The following SNRPN variants were observed in gnomAD, a reference collection of about 807,000 sequenced individuals.
SNRPN encodes small nuclear ribonucleoprotein-associated protein N.
A neutral mutation model predicts 25.2 loss-of-function variants in SNRPN; 7 were observed. The observed-to-expected ratio is 0.28, with a 90% confidence interval of 0.16 to 0.52. SNRPN has a LOEUF of 0.52. SNRPN is among the 20% of genes least tolerant of loss of function. The probability of loss-of-function intolerance (pLI) is 0.96; values close to 1 mark genes in which losing one functional copy is unlikely to be tolerated. For synonymous variants in SNRPN, 124 were observed against 110.6 expected (o/e 1.12, Z -0.76); for missense variants, 196 against 322.5 (o/e 0.61, Z 3.00).
intron 2 of SNRPN, among the ~76,000 whole-genome samples, chr15:24,898,366 G>A (rs1439825629): frequency 6.6e-6 from 1 of 152,140 alleles, no homozygotes; most frequent in Admixed American, 6.5e-5. Context: ...GAGGCAGGCG[G>A]ATCACGAGGT....
chr15:24,910,604 C>T (rs2059151083), intron 2 of SNRPN, among the ~76,000 whole-genome samples: 1 of 152,054 alleles, frequency 6.6e-6, no homozygotes, highest in South Asian at 2.1e-4. Flanking sequence ...AAGTGATTCT[C>T]CTGACTCAGC....
chr15:24,867,076 C>A (rs34274806), intron 1 of SNRPN, among the ~76,000 whole-genome samples: 37,268 of 152,072 alleles, frequency 0.25, 5,584 homozygotes, highest in African/African-American at 0.42. Flanking sequence ...GGTTTGAACA[C>A]TGCTAAAATA....
intron 1 of SNRPN, among the ~76,000 whole-genome samples, chr15:24,871,796 C>T (rs1392468863): frequency 1.4e-5 from 2 of 143,518 alleles, no homozygotes; most frequent in South Asian, 2.3e-4. Flanking sequence ...GCTCCGCCTC[C>T]CCGGTTCACA....
chr15:24,922,705 ATGT>A (rs1360591545), intron 3 of SNRPN, among the ~76,000 whole-genome samples: 1 of 151,704 alleles, frequency 6.6e-6, no homozygotes, highest in African/African-American at 2.4e-5. Context: ...GTATTTATCC[ATGT>A]TGTGTGTAAT....
At chr15:24,927,610 G>C (rs1338434965) in intron 3 of SNRPN, among the ~76,000 whole-genome samples, 1 of 147,512 alleles carries the variant, frequency 6.8e-6, no homozygotes, top group Non-Finnish European at 1.5e-5. Context: ...TCATAGTAAA[G>C]ATATTAATTC....
intron 2 of SNRPN, among the ~76,000 whole-genome samples, chr15:24,906,408 C>A (rs1009498735): frequency 6.6e-6 from 1 of 152,188 alleles, no homozygotes; most frequent in Non-Finnish European, 1.5e-5. Context: ...GCTGGGATTA[C>A]AGACATGAGC....
Position 24,967,946 on chromosome 15 carries a change from C to T in SNRPN, c.-280C>T, listed in dbSNP as rs372295822. The T allele has an allele frequency of 6.0e-5, 97 of 1,613,900 alleles. No homozygotes were observed. The highest frequency in any genetic ancestry group is 7.3e-5 in the Non-Finnish European group (86 of 1,179,950). Reference sequence around the variant, plus strand: ...TCTTGTTGTAGGTGTCAGTTGTACCCGAGGCGTTCTCAGCAGCAGCAAGTA... The same window carrying T: ...TCTTGTTGTAGGTGTCAGTTGTACCTGAGGCGTTCTCAGCAGCAGCAAGTA... On this transcript the variant is annotated 5_prime_UTR_variant, in exon 3 of 10. Transcript: ENST00000390687.
chr15:24,966,827 G>T (rs1446172697), intron 2 of SNRPN, among the ~76,000 whole-genome samples: 1 of 152,128 alleles, frequency 6.6e-6, no homozygotes, highest in African/African-American at 2.4e-5. Flanking sequence ...GGGCAGCATT[G>T]TTGGTGATCC....
chr15:24,839,859 A>C lies in SNRPN; in HGVS notation c.-579+9954A>C, dbSNP rs535958675. ...TTTGTTCACGGAGCCTGCTGGTCACATGTGGTCCTAGCTGGGCCTGAACTT... is the reference window on the plus strand; with the variant it reads ...TTTGTTCACGGAGCCTGCTGGTCACCTGTGGTCCTAGCTGGGCCTGAACTT... On this transcript the variant is annotated intron_variant, in intron 2 of 12. Transcript: ENST00000400100. Among the ~76,000 whole-genome samples the C allele has an allele frequency of 6.9e-4, 104 of 151,494 alleles. 1 individual carries two copies. Among genetic ancestry groups the C allele is most frequent in the African/African-American group, 2.2e-3 (91 of 40,792 alleles).
rs776208857 is a variant in SNRPN, at chr15:24,871,142, CAA to C, written c.-579+14427_-579+14428del. Among the ~76,000 whole-genome samples the C allele has an allele frequency of 7.2e-5, 11 of 151,966 alleles. 1 individual carries two copies. The highest frequency in any genetic ancestry group is 1.3e-4 in the Non-Finnish European group (9 of 67,960). On this transcript the variant is annotated intron_variant, in intron 1 of 11. Coordinates refer to the SNRPN transcript ENST00000400097. ...AGGTAATCCACCCACCTCGGTCTCC[CAA>C]GTCTCCCAAGTGCTAGGATTACAGG... is the stretch of plus-strand genomic sequence containing the variant.
intron 2 of SNRPN, chr15:24,909,846 G>T (rs993707207): frequency 1.0e-6 from 1 of 952,422 alleles, no homozygotes; most frequent in Admixed American, 1.7e-5. Flanking sequence ...AGAGACCCGC[G>T]TCCACAGCTC....
At chr15:24,906,878 G>A (rs894570025) in intron 2 of SNRPN, among the ~76,000 whole-genome samples, 2 of 152,032 alleles carry the variant, frequency 1.3e-5, no homozygotes, top group Non-Finnish European at 2.9e-5. Flanking sequence ...AGTTGATTTT[G>A]CAGGATCTGC....
At chr15:24,977,115 G>A in intron 7 of SNRPN, 86 bp downstream of exon 7, 3 of 1,048,266 alleles carry the variant, frequency 2.9e-6, no homozygotes, top group Non-Finnish European at 4.0e-6. Flanking sequence ...AAGTGTATGT[G>A]TCATACAATG....
intron 2 of SNRPN, among the ~76,000 whole-genome samples, chr15:24,908,047 C>A (rs2058951160): frequency 1.3e-5 from 1 of 79,898 alleles, no homozygotes; most frequent in South Asian, 6.2e-4. Context: ...AGCTAGACTC[C>A]ATCTCAAAAA....
intron 2 of SNRPN, among the ~76,000 whole-genome samples, chr15:24,919,446 AT>A (rs1360375118): frequency 2.9e-4 from 42 of 145,222 alleles, no homozygotes; most frequent in African/African-American, 7.6e-4. Flanking sequence ...AAAAAAAAAA[AT>A]ATTCAATTAT....
At chr15:24,904,569 C>T (rs564767156) in intron 2 of SNRPN, among the ~76,000 whole-genome samples, 33 of 152,010 alleles carry the variant, frequency 2.2e-4, no homozygotes, top group South Asian at 8.3e-4. Flanking sequence ...GCAGGAGAAT[C>T]GCATGAACCC....
At chr15:24,885,453 T>C (rs571408724) in intron 1 of SNRPN, among the ~76,000 whole-genome samples, 27 of 152,362 alleles carry the variant, frequency 1.8e-4, no homozygotes, top group Admixed American at 1.6e-3. Flanking sequence ...ATGAGTATCT[T>C]TGGCTCATTT....
chr15:24,847,517 G>A (rs1047974561), intron 2 of SNRPN, among the ~76,000 whole-genome samples: 2 of 152,080 alleles, frequency 1.3e-5, no homozygotes, highest in Admixed American at 1.3e-4. Flanking sequence ...GCGGGTGCCT[G>A]TAATCCCAAC....
At chr15:24,847,961 T>C (rs973728573) in intron 2 of SNRPN, among the ~76,000 whole-genome samples, 6 of 151,994 alleles carry the variant, frequency 3.9e-5, no homozygotes, top group African/African-American at 1.4e-4. Flanking sequence ...GTTCAGAAGA[T>C]TAGAGTAATT....
Sources: gnomAD v4.1 joint callset for allele counts (sites outside exome capture counted in the v4.1 genomes callset) on GRCh38, gnomAD v4.1.1 for gene constraint, MANE v1.5 for transcripts, NCBI Gene and HGNC (gene_info 2026-07-23, HGNC 2026-07-21) for gene names.